Variants in ANO4 observed in about 807,000 individuals in gnomAD.
ANO4 encodes anoctamin 4, also known as anoctamin-4.
Under a neutral mutation model 141.9 loss-of-function variants are expected in ANO4, and 69 were observed. The ratio of observed to expected loss-of-function variants is 0.49; its 90% CI spans 0.40 to 0.59. The LOEUF is 0.59. Among genes scored for constraint, ANO4 ranks in the 20% least tolerant of loss-of-function variants. ANO4 has a pLI of 0.00. For synonymous variants in ANO4, 350 were observed against 394.3 expected (o/e 0.89, Z 1.33); for missense variants, 894 against 1,162.2 (o/e 0.77, Z 3.36).
At chr12:100,966,896 C>T (rs979869485) in intron 5 of ANO4, among the ~76,000 whole-genome samples, 1 of 151,516 alleles carries the variant, frequency 6.6e-6, no homozygotes, top group Non-Finnish European at 1.5e-5. Flanking sequence ...CACACACACA[C>T]ACACACACAT....
chr12:100,967,570 G>GACAC (rs3059289), intron 5 of ANO4, among the ~76,000 whole-genome samples: 7 of 149,278 alleles, frequency 4.7e-5, no homozygotes, highest in Non-Finnish European at 7.4e-5. Context: ...ATGTAAAGAG[G>GACAC]ACACACACAC....
chr12:100,733,690 T>G (rs1049040830), intron 1 of ANO4: 92 of 633,816 alleles, frequency 1.5e-4, no homozygotes, highest in Non-Finnish European at 2.5e-4. Context: ...AGCTGGTTTA[T>G]TTACCACCAG....
At chr12:101,095,599 C>T (rs1338132106) in intron 18 of ANO4, among the ~76,000 whole-genome samples, 1 of 152,112 alleles carries the variant, frequency 6.6e-6, no homozygotes, top group Non-Finnish European at 1.5e-5. Context: ...CTTTCATTCT[C>T]CCTTCCCTTC....
intron 2 of ANO4, among the ~76,000 whole-genome samples, chr12:100,916,430 G>T (rs940430520): frequency 2.0e-5 from 3 of 152,078 alleles, no homozygotes; most frequent in Non-Finnish European, 4.4e-5. Context: ...ATGTGAAATT[G>T]CAGTGAAAGA....
At chr12:100,873,720 A>G (rs1200031635) in intron 1 of ANO4, among the ~76,000 whole-genome samples, 2 of 152,216 alleles carry the variant, frequency 1.3e-5, no homozygotes, top group Admixed American at 6.5e-5. Context: ...CAGCCCAGCT[A>G]TGTGGTAGAG....
rs578042353 is a variant in ANO4 at position 101,097,305 on chromosome 12, A to T, written c.1851-346A>T. Among the ~76,000 whole-genome samples, 6 of 152,286 alleles carry T rather than the reference A, an allele frequency of 3.9e-5. No homozygotes were observed. The East Asian group carries it at 9.6e-4, about 24-fold the overall frequency. On this transcript the variant is annotated intron_variant, in intron 19 of 27. Coordinates refer to ENST00000392977, the MANE Select transcript of ANO4 (RefSeq NM_001286615.2). ...ATAGTTCAATAATTTTTTTAACAGC[A>T]TGACTATTACTCAGAAAAATCAAAT...
chr12:101,058,488 C>A (rs2048219187), intron 14 of ANO4, among the ~76,000 whole-genome samples: 1 of 152,152 alleles, frequency 6.6e-6, no homozygotes, highest in African/African-American at 2.4e-5. Flanking sequence ...TTCTTCCTAT[C>A]CATAAGCATG....
chr12:100,855,577 TAC>T (rs955782040), intron 1 of ANO4, among the ~76,000 whole-genome samples: 1 of 152,218 alleles, frequency 6.6e-6, no homozygotes, highest in Non-Finnish European at 1.5e-5. Context: ...CTATCATACT[TAC>T]AGAGTTTGTT....
upstream of ANO4, among the ~76,000 whole-genome samples, chr12:100,791,273 G>A (rs1226027117): frequency 2.0e-5 from 3 of 152,100 alleles, no homozygotes; most frequent in Non-Finnish European, 4.4e-5. Context: ...CATTGGGTAT[G>A]GTGGCATGCA....
chr12:100,801,366 A>T (rs540060221), intron 1 of ANO4, among the ~76,000 whole-genome samples: 1 of 152,344 alleles, frequency 6.6e-6, no homozygotes, highest in South Asian at 2.1e-4. Context: ...ATCCTGATGT[A>T]GTTCATTAGA....
intron 14 of ANO4, among the ~76,000 whole-genome samples, chr12:101,049,484 TA>T (rs981962973): frequency 5.8e-5 from 8 of 137,118 alleles, no homozygotes; most frequent in African/African-American, 9.6e-5. Context: ...AGAGATCTCA[TA>T]TTTTTTTTTT....
Position 101,095,896 on chromosome 12 carries a change from GA to G in ANO4, c.1739-637del, listed in dbSNP as rs201668646. ...AGAGAACATTTGCTTTATGGAAGTT[GA>G]AATATATGGAGATGAGATTGGCCCC... On this transcript the variant is annotated intron_variant, in intron 18 of 27. Coordinates refer to ENST00000392977, the MANE Select transcript of ANO4 (RefSeq NM_001286615.2). Among the ~76,000 whole-genome samples, 3 of 152,148 alleles carry G rather than the reference GA, an allele frequency of 2.0e-5. No homozygotes were observed. In the East Asian group the frequency reaches 5.8e-4, roughly 29 times the overall value.
chr12:101,086,470 A>AT, intron 16 of ANO4, among the ~76,000 whole-genome samples, 190 bp from the exon 17 acceptor site: 1 of 152,080 alleles, frequency 6.6e-6, no homozygotes, highest in Admixed American at 6.6e-5. Context: ...TTTTATTTTA[A>AT]TTAAAAAAAA....
intron 1 of ANO4, among the ~76,000 whole-genome samples, chr12:100,800,512 G>A (rs942856435): frequency 1.3e-5 from 2 of 152,106 alleles, no homozygotes; most frequent in African/African-American, 4.8e-5. Flanking sequence ...AATTCTTTTC[G>A]TAGAAGGGCA....
intron 17 of ANO4, among the ~76,000 whole-genome samples, chr12:101,088,206 A>G (rs952688797): frequency 1.3e-5 from 2 of 151,834 alleles, no homozygotes; most frequent in African/African-American, 4.8e-5. Flanking sequence ...TGATGCTCTC[A>G]CCCCAGGACT....
chr12:100,765,962 A>G (rs1314306686), intron 3 of ANO4, among the ~76,000 whole-genome samples: 1 of 152,006 alleles, frequency 6.6e-6, no homozygotes, highest in African/African-American at 2.4e-5. Flanking sequence ...TATATAATAA[A>G]TCTCCAAAAT....
chr12:100,745,080 T>C (rs1276677125), intron 3 of ANO4, among the ~76,000 whole-genome samples: 1 of 152,096 alleles, frequency 6.6e-6, no homozygotes, highest in African/African-American at 2.4e-5. Flanking sequence ...TCTAAACACT[T>C]CATACAGGGT....
At chr12:100,981,844 A>T (rs1227368618) in intron 7 of ANO4, among the ~76,000 whole-genome samples, 2 of 152,122 alleles carry the variant, frequency 1.3e-5, no homozygotes, top group African/African-American at 4.8e-5. Context: ...CTTTGCACAT[A>T]TGTGGCCTTT....
intron 26 of ANO4, among the ~76,000 whole-genome samples, 167 bp downstream of exon 26, chr12:101,120,792 T>C (rs1310648286): frequency 2.0e-5 from 3 of 152,224 alleles, no homozygotes; most frequent in Non-Finnish European, 4.4e-5. Context: ...AATTGAAGTA[T>C]TTGATTTTTC....
Sources: allele counts gnomAD v4.1 joint callset (sites outside exome capture counted in the v4.1 genomes callset), GRCh38; gene constraint gnomAD v4.1.1; transcripts MANE v1.5; gene names NCBI Gene and HGNC (gene_info 2026-07-23, HGNC 2026-07-21).